Variants in FHIT observed in about 807,000 individuals in gnomAD.
FHIT encodes the protein fragile histidine triad diadenosine triphosphatase, also known as bis(5'-adenosyl)-triphosphatase.
Under a neutral mutation model 17.9 loss-of-function variants are expected in FHIT, and 19 were observed. That is an observed-to-expected ratio of 1.06 (90% CI 0.74 to 1.56). FHIT has a LOEUF of 1.56. Among genes scored for constraint, FHIT ranks in the 40% most tolerant of loss-of-function variants. The probability of loss-of-function intolerance (pLI) is 0.00; values close to 1 mark genes in which losing one functional copy is unlikely to be tolerated. For synonymous variants in FHIT, 81 were observed against 69.7 expected (o/e 1.16, Z -0.81); for missense variants, 248 against 189.2 (o/e 1.31, Z -1.82).
intron 5 of FHIT, among the ~76,000 whole-genome samples, chr3:60,338,159 C>T (rs1407830303): frequency 6.6e-6 from 1 of 152,154 alleles, no homozygotes; most frequent in Non-Finnish European, 1.5e-5. Context: ...TATTCTGCAT[C>T]ACTAAGATTA....
chr3:60,445,592 G>T lies in FHIT; in HGVS notation c.103+91268C>A, dbSNP rs544693726. On this transcript the variant is annotated intron_variant, in intron 5 of 9. Coordinates refer to ENST00000492590, the MANE Select transcript of FHIT (RefSeq NM_002012.4). ...ATCGTTTATCATTTGAGAGAGGTGT[G>T]AACAGTCTATGTCAAAAATGCTCAT... Among the ~76,000 whole-genome samples the T allele has an allele frequency of 3.9e-5, 6 of 152,198 alleles. No individual in the cohort carries two copies. The East Asian group carries it at 9.7e-4, about 25-fold the overall frequency.
intron 3 of FHIT, among the ~76,000 whole-genome samples, chr3:60,904,663 A>G (rs1706303951): frequency 6.6e-6 from 1 of 152,132 alleles, no homozygotes; most frequent in Non-Finnish European, 1.5e-5. Context: ...ATTCTTGGCC[A>G]GGCGCAGTGG....
intron 2 of FHIT, among the ~76,000 whole-genome samples, chr3:61,100,541 A>C (rs1046204620): frequency 2.6e-5 from 4 of 152,168 alleles, no homozygotes; most frequent in Non-Finnish European, 5.9e-5. Flanking sequence ...ATGTCTTTAT[A>C]GTAGCATGAT....
At chr3:59,805,720 G>A (rs1298682018) in intron 8 of FHIT, among the ~76,000 whole-genome samples, 1 of 152,162 alleles carries the variant, frequency 6.6e-6, no homozygotes, top group African/African-American at 2.4e-5. Flanking sequence ...CCACTTATCA[G>A]CTTTGTGGCC....
At chr3:60,624,589 T>TC (rs2039228770) in intron 4 of FHIT, among the ~76,000 whole-genome samples, 2 of 152,128 alleles carry the variant, frequency 1.3e-5, no homozygotes, top group South Asian at 4.2e-4. Flanking sequence ...GGGAATGGAG[T>TC]CTACCAAGAA....
At chr3:60,557,575 C>T (rs1390023440) in intron 4 of FHIT, among the ~76,000 whole-genome samples, 2 of 151,634 alleles carry the variant, frequency 1.3e-5, no homozygotes, top group Non-Finnish European at 2.9e-5. Context: ...CAAGGGTGTA[C>T]CCAGGCTCTC....
chr3:59,920,207 A>G (rs6776435), intron 8 of FHIT, among the ~76,000 whole-genome samples: 16,402 of 152,276 alleles, frequency 0.11, 985 homozygotes, highest in South Asian at 0.14. Context: ...CTTTCAGGCT[A>G]CAATATCATA....
intron 4 of FHIT, among the ~76,000 whole-genome samples, chr3:60,539,196 C>T (rs1279880622): frequency 1.3e-5 from 2 of 152,142 alleles, no homozygotes; most frequent in Non-Finnish European, 2.9e-5. Flanking sequence ...AAAAAATGCT[C>T]ATCATCAATG....
At chr3:61,162,581 G>A (rs2037728426) in intron 2 of FHIT, among the ~76,000 whole-genome samples, 1 of 152,056 alleles carries the variant, frequency 6.6e-6, no homozygotes, top group Non-Finnish European at 1.5e-5. Context: ...CATATATTAT[G>A]ATTCAAGCAT....
intron 5 of FHIT, among the ~76,000 whole-genome samples, chr3:60,189,497 C>T (rs979223496): frequency 5.3e-5 from 8 of 152,090 alleles, no homozygotes; most frequent in Non-Finnish European, 1.0e-4. Context: ...GCTACAACTC[C>T]GCCCTACCCC....
rs571506155 is a variant in FHIT, at chr3:59,934,918, C to T, written c.280-12504G>A. Among the ~76,000 whole-genome samples the T allele has an allele frequency of 5.9e-5, 9 of 152,192 alleles. No homozygotes were observed. The East Asian group carries it at 1.2e-3, about 20-fold the overall frequency. ...TACAATTCAAGATGAGATTTGGGTG[C>T]GGATGCAGCCAAACCATGTCAGTAG... On this transcript the variant is annotated intron_variant, in intron 7 of 9. Coordinates refer to ENST00000492590, the MANE Select transcript of FHIT (RefSeq NM_002012.4).
At chr3:60,493,554 G>T (rs1051688420) in intron 5 of FHIT, among the ~76,000 whole-genome samples, 1 of 152,082 alleles carries the variant, frequency 6.6e-6, no homozygotes, top group Non-Finnish European at 1.5e-5. Context: ...GCTTACATTT[G>T]CATTTTAATT....
chr3:60,601,270 G>A (rs1211783634), intron 4 of FHIT, among the ~76,000 whole-genome samples: 1 of 152,150 alleles, frequency 6.6e-6, no homozygotes, highest in Non-Finnish European at 1.5e-5. Context: ...TACCGCAGTG[G>A]CTTCCTAATG....
At chr3:60,126,974 C>G (rs1046056963) in intron 5 of FHIT, among the ~76,000 whole-genome samples, 2 of 152,144 alleles carry the variant, frequency 1.3e-5, no homozygotes. Context: ...TGCCATTTTT[C>G]CTGTGAAATT....
At chr3:60,982,109 T>C (rs1239492596) in intron 3 of FHIT, among the ~76,000 whole-genome samples, 1 of 152,222 alleles carries the variant, frequency 6.6e-6, no homozygotes, top group Non-Finnish European at 1.5e-5. Flanking sequence ...AAGAGGGATC[T>C]TGTAAAAAGA....
intron 5 of FHIT, among the ~76,000 whole-genome samples, chr3:60,034,437 A>G (rs970154932): frequency 2.6e-5 from 4 of 152,258 alleles, no homozygotes; most frequent in Non-Finnish European, 4.4e-5. Flanking sequence ...TGATATGATC[A>G]AGAAAATGCT....
chr3:60,677,163 C>G (rs1280407081), intron 4 of FHIT, among the ~76,000 whole-genome samples: 1 of 152,210 alleles, frequency 6.6e-6, no homozygotes, highest in Admixed American at 6.5e-5. Context: ...AGGCATGAGC[C>G]ACTGTGCCCA....
intron 5 of FHIT, among the ~76,000 whole-genome samples, chr3:60,533,147 T>C (rs1461029518): frequency 2.6e-5 from 4 of 152,194 alleles, no homozygotes; most frequent in Non-Finnish European, 5.9e-5. Context: ...ACTCACACGC[T>C]TGTAAACAGA....
chr3:59,934,774 A>C (rs73104528), intron 7 of FHIT, among the ~76,000 whole-genome samples: 13,124 of 152,154 alleles, frequency 0.086, 712 homozygotes, highest in Admixed American at 0.13. Context: ...TCCCCTTATA[A>C]AACTATCAGA....
Sources: gnomAD v4.1 joint callset for allele counts (sites outside exome capture counted in the v4.1 genomes callset) on GRCh38, gnomAD v4.1.1 for gene constraint, MANE v1.5 for transcripts, NCBI Gene and HGNC (gene_info 2026-07-23, HGNC 2026-07-21) for gene names.